The following STK3 variants were observed in gnomAD, a reference collection of about 807,000 sequenced individuals.
The protein encoded by STK3 is serine/threonine-protein kinase 3.
STK3 carries 41 observed loss-of-function variants against 58.0 expected under a neutral mutation model. The ratio of observed to expected loss-of-function variants is 0.71; its 90% confidence interval spans 0.55 to 0.92. The LOEUF (loss-of-function observed/expected upper bound fraction) is 0.92. Ranked by LOEUF, STK3 falls within the 40% of genes least tolerant of loss-of-function variation. The pLI is 0.00. For missense variants in STK3, 479 were observed against 602.7 expected (o/e 0.79, Z 2.15); for synonymous variants, 170 against 191.0 (o/e 0.89, Z 0.91).
At chr8:98,734,184 C>T (rs1252148767) in intron 4 of STK3, among the ~76,000 whole-genome samples, 1 of 152,208 alleles carries the variant, frequency 6.6e-6, no homozygotes, top group African/African-American at 2.4e-5. Flanking sequence ...CACCAGGTCC[C>T]TCCCCGAACA....
At chr8:98,941,310 G>A (rs182476022) in intron 1 of STK3, among the ~76,000 whole-genome samples, 7 of 152,346 alleles carry the variant, frequency 4.6e-5, no homozygotes, top group South Asian at 2.1e-4. Flanking sequence ...TTCCCCAGGC[G>A]TCCTTGCTAC....
intron 6 of STK3, among the ~76,000 whole-genome samples, chr8:98,667,493 A>G (rs1002240414): frequency 6.6e-6 from 1 of 152,164 alleles, no homozygotes; most frequent in African/African-American, 2.4e-5. Context: ...CAAGAAAAGG[A>G]TTATAAATTG....
intron 3 of STK3, among the ~76,000 whole-genome samples, chr8:98,834,775 G>A (rs926616567): frequency 6.1e-4 from 93 of 152,158 alleles, no homozygotes; most frequent in African/African-American, 2.2e-3. Flanking sequence ...AAGATATAAG[G>A]AATTTAAAGA....
chr8:98,398,507 C>G (rs1364233593), downstream of STK3, among the ~76,000 whole-genome samples: 26 of 152,140 alleles, frequency 1.7e-4, no homozygotes, highest in Non-Finnish European at 1.0e-4. Context: ...GGCCAAAACC[C>G]CCAATTCTCC....
intron 10 of STK3, among the ~76,000 whole-genome samples, chr8:98,473,762 A>C (rs1390562038): frequency 6.6e-6 from 1 of 151,846 alleles, no homozygotes; most frequent in Non-Finnish European, 1.5e-5. Flanking sequence ...TTTTCTCCTA[A>C]ATTTATGGCC....
intron 1 of STK3, among the ~76,000 whole-genome samples, chr8:98,383,529 TAAG>T (rs1037032523): frequency 1.9e-4 from 29 of 152,228 alleles, no homozygotes; most frequent in Admixed American, 1.5e-3. Flanking sequence ...ATGGATTTTT[TAAG>T]AATAGCCTGA....
At chr8:98,662,944 AAT>A (rs1822072893) in intron 6 of STK3, among the ~76,000 whole-genome samples, 1 of 152,180 alleles carries the variant, frequency 6.6e-6, no homozygotes, top group South Asian at 2.1e-4. Flanking sequence ...AAACCTAGGC[AAT>A]ACCATTCAGG....
At chr8:98,591,341 A>G (rs1401270553) in intron 7 of STK3, among the ~76,000 whole-genome samples, 1 of 152,208 alleles carries the variant, frequency 6.6e-6, no homozygotes, top group Non-Finnish European at 1.5e-5. Context: ...ACTCAACTAC[A>G]CTAATGTATG....
At chr8:98,421,197 T>G (rs375563313) in intron 3 of STK3, among the ~76,000 whole-genome samples, 1 of 152,170 alleles carries the variant, frequency 6.6e-6, no homozygotes, top group Non-Finnish European at 1.5e-5. Flanking sequence ...GGGCTTCAGT[T>G]CAGCTGTCAG....
intron 3 of STK3, among the ~76,000 whole-genome samples, chr8:98,407,765 C>T (rs898109103): frequency 1.3e-4 from 19 of 151,016 alleles, no homozygotes; most frequent in Non-Finnish European, 2.4e-4. Flanking sequence ...TGTGCGCGCG[C>T]GCGCGCATGC....
chr8:98,629,460 T>C (rs991732429), intron 6 of STK3, among the ~76,000 whole-genome samples: 4 of 152,146 alleles, frequency 2.6e-5, no homozygotes, highest in African/African-American at 7.2e-5. Flanking sequence ...TCAAATCAAA[T>C]ATGGGGAACC....
chr8:98,607,910 G>C (rs1217476122), intron 6 of STK3, among the ~76,000 whole-genome samples: 1 of 152,040 alleles, frequency 6.6e-6, no homozygotes, highest in African/African-American at 2.4e-5. Flanking sequence ...CTAGTATTTA[G>C]AAACTTTTCT....
intron 9 of STK3, among the ~76,000 whole-genome samples, chr8:98,539,610 T>C (rs1329756563): frequency 3.3e-5 from 5 of 152,212 alleles, no homozygotes; most frequent in Non-Finnish European, 7.3e-5. Flanking sequence ...ACAAATACTA[T>C]ATGCATATAC....
At chr8:98,739,028 G>C (rs537023799) in intron 4 of STK3, among the ~76,000 whole-genome samples, 1 of 152,234 alleles carries the variant, frequency 6.6e-6, no homozygotes, top group African/African-American at 2.4e-5. Flanking sequence ...AGGCAGCGGC[G>C]AGGCTGGGGG....
chr8:98,802,220 C>T (rs543018445), intron 1 of STK3, among the ~76,000 whole-genome samples: 10 of 152,230 alleles, frequency 6.6e-5, no homozygotes, highest in Middle Eastern at 3.4e-3. Flanking sequence ...TTTTTCCTAG[C>T]TCTCAATACA....
At chr8:98,908,905 C>A (rs1392046678) in intron 1 of STK3, among the ~76,000 whole-genome samples, 1 of 150,306 alleles carries the variant, frequency 6.7e-6, no homozygotes, top group African/African-American at 2.5e-5. Context: ...TCTGTAATCC[C>A]AGCACTTTGG....
At chr8:98,751,340 C>A (rs1829969191) in intron 3 of STK3, among the ~76,000 whole-genome samples, 1 of 152,150 alleles carries the variant, frequency 6.6e-6, no homozygotes, top group African/African-American at 2.4e-5. Context: ...TGACATGATC[C>A]TGTATCTAGA....
chr8:98,505,253 G>A (rs1162585848), intron 10 of STK3, among the ~76,000 whole-genome samples: 2 of 152,124 alleles, frequency 1.3e-5, no homozygotes, highest in Admixed American at 1.3e-4. Context: ...GGTCATTTAA[G>A]GTCTTCTCTA....
rs73699928 is a variant in STK3, at chr8:98,846,606, G to A, written c.110+37041C>T. On this transcript the variant is annotated intron_variant, in intron 3 of 12. Transcript: ENST00000523601. ...CAAAACTAGTTCCCAGTAGCTCCAA[G>A]CGTATAGGTTACTTAGTGCTTGAAA... is the stretch of plus-strand genomic sequence containing the variant. Among the ~76,000 whole-genome samples, 1,304 of 152,236 alleles carry A rather than the reference G, an allele frequency of 8.6e-3. 14 individuals are homozygous for A. The highest frequency in any genetic ancestry group is 0.029 in the African/African-American group (1,219 of 41,528).
Sources: allele counts gnomAD v4.1 joint callset (sites outside exome capture counted in the v4.1 genomes callset), GRCh38; gene constraint gnomAD v4.1.1; transcripts MANE v1.5; gene names NCBI Gene and HGNC (gene_info 2026-07-23, HGNC 2026-07-21).